PLEKHH2: variants seen among roughly 807,000 people sequenced by gnomAD.
PLEKHH2 encodes the protein pleckstrin homology, MyTH4 and FERM domain containing H2.
Under a neutral mutation model 187.9 loss-of-function variants are expected in PLEKHH2, and 129 were observed. The ratio of observed to expected loss-of-function variants is 0.69; its 90% CI spans 0.59 to 0.79. The LOEUF is 0.79. Among genes scored for constraint, PLEKHH2 ranks in the 30% least tolerant of loss-of-function variants. PLEKHH2 has a pLI of 0.00. For missense variants in PLEKHH2, 2,076 were observed against 1,751.2 expected (o/e 1.19, Z -3.31); for synonymous variants, 686 against 605.6 (o/e 1.13, Z -1.95).
At chr2:43,720,593 A>C (rs934909963) in intron 15 of PLEKHH2, 76 bp from the exon 16 acceptor site, 97 of 1,572,744 alleles carry the variant, frequency 6.2e-5, no homozygotes, top group African/African-American at 4.7e-4. Flanking sequence ...TAGAAACTCA[A>C]ATAGGGTGTA....
chr2:43,694,360 T>C (rs762599040), intron 4 of PLEKHH2, 71 bp from the exon 5 acceptor site: 49 of 1,459,878 alleles, frequency 3.4e-5, no homozygotes, highest in Non-Finnish European at 4.2e-5. Context: ...ATGCCTTGTA[T>C]ATTTATGGTA....
At chr2:43,738,561 G>T in intron 20 of PLEKHH2, 41 bp downstream of exon 20, 2 of 1,458,528 alleles carry the variant, frequency 1.4e-6, no homozygotes, top group South Asian at 1.4e-5. Flanking sequence ...AATTTAAAGT[G>T]TTTTTTTTTC....
intron 16 of PLEKHH2, among the ~76,000 whole-genome samples, chr2:43,723,217 T>C (rs1297639883): frequency 6.6e-6 from 1 of 152,214 alleles, no homozygotes; most frequent in African/African-American, 2.4e-5. Context: ...GCTTGCTTTT[T>C]AGGAGAGGCG....
chr2:43,649,117 T>C (rs1235187191), intron 2 of PLEKHH2, among the ~76,000 whole-genome samples: 5 of 152,160 alleles, frequency 3.3e-5, no homozygotes, highest in African/African-American at 1.2e-4. Flanking sequence ...AAAAAGGCCT[T>C]ATTGAAGTCT....
intron 8 of PLEKHH2, among the ~76,000 whole-genome samples, chr2:43,701,643 C>G (rs1669371743): frequency 6.7e-6 from 1 of 150,118 alleles, no homozygotes; most frequent in South Asian, 2.1e-4. Flanking sequence ...TTCTACAGAC[C>G]TAGAATAGAT....
Position 43,700,488 on chromosome 2 carries a change from A to T in PLEKHH2, c.1530A>T (p.Gly510=), listed in dbSNP as rs550046879. The change falls in exon 8 of 30, where the codon GGA becomes GGT. Residue 510 remains glycine, a synonymous_variant. Coordinates refer to ENST00000282406, the MANE Select transcript of PLEKHH2 (RefSeq NM_172069.4). ...LENMDTSCDD[G]LFSYDSLDSP... Reference sequence around the variant, plus strand: ...ATATGGACACGAGTTGTGATGATGGATTATTTTCCTATGACTCCTTGGACT... The same window carrying T: ...ATATGGACACGAGTTGTGATGATGGTTTATTTTCCTATGACTCCTTGGACT... 6.2e-7 allele frequency: 1 copy of T among 1,613,960 alleles called. No homozygotes were observed. The highest frequency in any genetic ancestry group is 1.3e-5 in the African/African-American group (1 of 74,884).
chr2:43,657,324 G>A (rs1666835295), intron 2 of PLEKHH2, among the ~76,000 whole-genome samples: 1 of 152,158 alleles, frequency 6.6e-6, no homozygotes, highest in Non-Finnish European at 1.5e-5. Flanking sequence ...GATTACAGGT[G>A]CACGCCGCCA....
intron 3 of PLEKHH2, among the ~76,000 whole-genome samples, chr2:43,685,142 T>A (rs1668437692): frequency 6.6e-6 from 1 of 152,238 alleles, no homozygotes; most frequent in South Asian, 2.1e-4. Context: ...GATGTTTATG[T>A]TGCTGAAATC....
intron 19 of PLEKHH2, among the ~76,000 whole-genome samples, chr2:43,732,033 C>G (rs556041436): frequency 6.6e-6 from 1 of 152,302 alleles, no homozygotes; most frequent in Non-Finnish European, 1.5e-5. Flanking sequence ...CTTTATCCTT[C>G]TATCCCTATC....
intron 4 of PLEKHH2, 139 bp from the exon 5 acceptor site, chr2:43,694,292 A>C: frequency 9.9e-7 from 1 of 1,014,226 alleles, no homozygotes; most frequent in South Asian, 1.8e-5. Flanking sequence ...TTCTTTTAAA[A>C]ACCTATTTGG....
chr2:43,692,413 G>A (rs1047237387), intron 3 of PLEKHH2, 101 bp from the exon 4 acceptor site: 26 of 934,024 alleles, frequency 2.8e-5, no homozygotes, highest in Non-Finnish European at 4.0e-5. Flanking sequence ...CCTTTTTGAA[G>A]TCTTTTAGGA....
At chr2:43,657,294 A>G (rs775675009) in intron 2 of PLEKHH2, among the ~76,000 whole-genome samples, 4 of 152,112 alleles carry the variant, frequency 2.6e-5, no homozygotes, top group African/African-American at 2.4e-5. Flanking sequence ...TTGGGATTAC[A>G]GGTGCTTCCA....
At chr2:43,651,145 T>TTTCA (rs71410195) in intron 2 of PLEKHH2, among the ~76,000 whole-genome samples, 8,896 of 151,532 alleles carry the variant, frequency 0.059, 721 homozygotes, top group African/African-American at 0.18. Context: ...GTTAAAATCT[T>TTTCA]TTCATTCATT....
At chr2:43,728,753 C>T (rs938614262) in intron 17 of PLEKHH2, among the ~76,000 whole-genome samples, 14 of 151,500 alleles carry the variant, frequency 9.2e-5, no homozygotes, top group African/African-American at 2.9e-4. Context: ...GTAGAGACGG[C>T]GTTTCACCAT....
rs778122675 is a variant in PLEKHH2 at position 43,710,234 on chromosome 2, A to G, written c.2118A>G (p.Lys706=). ...TTAAAAATTAGGAACCACTGGAAAA[A>G]TCTGGTTATTTATTAAAAATGAGTG... ...SDNGKNEPLE[K]SGYLLKMSGK... Residue 706 remains lysine (K), a synonymous_variant, in exon 13 of 30, where the codon AAA becomes AAG. Coordinates refer to ENST00000282406, the MANE Select transcript of PLEKHH2 (RefSeq NM_172069.4). The G allele has an allele frequency of 2.5e-6, 4 of 1,614,070 alleles. No individual in the cohort carries two copies. In the Admixed American group the frequency reaches 5.0e-5, roughly 20 times the overall value.
chr2:43,655,786 T>G (rs1196289768), intron 2 of PLEKHH2, among the ~76,000 whole-genome samples: 1 of 152,192 alleles, frequency 6.6e-6, no homozygotes, highest in Non-Finnish European at 1.5e-5. Flanking sequence ...AATTCAGCCC[T>G]CAACAGCTCC....
chr2:43,720,115 C>T (rs941762502), intron 15 of PLEKHH2, among the ~76,000 whole-genome samples: 7 of 152,122 alleles, frequency 4.6e-5, no homozygotes, highest in East Asian at 1.9e-4. Flanking sequence ...ATACATTGTA[C>T]CCCATTACAT....
intron 2 of PLEKHH2, chr2:43,675,142 C>A: frequency 2.6e-6 from 1 of 379,938 alleles, no homozygotes; most frequent in East Asian, 4.0e-5. Context: ...AATTAAAAAG[C>A]AGGTGAAATT....
At chr2:43,715,506 A>C (rs146576197) in intron 15 of PLEKHH2, among the ~76,000 whole-genome samples, 1 of 152,190 alleles carries the variant, frequency 6.6e-6, no homozygotes, top group Admixed American at 6.5e-5. Context: ...AAGATGAATC[A>C]GTGGGAGGCA....
Sources: allele counts gnomAD v4.1 joint callset (sites outside exome capture counted in the v4.1 genomes callset), GRCh38; gene constraint gnomAD v4.1.1; transcripts MANE v1.5; gene names NCBI Gene and HGNC (gene_info 2026-07-23, HGNC 2026-07-21).